Variants in PALS2 observed in about 807,000 individuals in gnomAD.
PALS2 encodes the protein protein PALS2.
A neutral mutation model predicts 61.6 loss-of-function variants in PALS2; 27 were observed. The observed-to-expected ratio is 0.44, with a 90% CI of 0.32 to 0.60. The LOEUF (loss-of-function observed/expected upper bound fraction) is 0.60, where lower values mean the gene tolerates loss of function less well. Among genes scored for constraint, PALS2 ranks in the 20% least tolerant of loss-of-function variants. The probability of loss-of-function intolerance (pLI) is 0.05; values close to 1 mark genes in which losing one functional copy is unlikely to be tolerated. For missense variants in PALS2, 554 were observed against 639.4 expected (o/e 0.87, Z 1.44); for synonymous variants, 236 against 218.6 (o/e 1.08, Z -0.70).
chr7:24,584,802 C>T (rs943251322), intron 1 of PALS2, among the ~76,000 whole-genome samples: 16 of 151,718 alleles, frequency 1.1e-4, no homozygotes, highest in African/African-American at 2.2e-4. Flanking sequence ...TTAGGTCTAA[C>T]GTTTAAGTCT....
At chr7:24,625,885 TA>T (rs752923826) in intron 2 of PALS2, among the ~76,000 whole-genome samples, 6 of 151,844 alleles carry the variant, frequency 4.0e-5, no homozygotes, top group Non-Finnish European at 7.4e-5. Context: ...ATCCCAGGAA[TA>T]GGGGAGGAAT....
At chr7:24,592,427 T>C (rs1366306471) in intron 1 of PALS2, among the ~76,000 whole-genome samples, 1 of 152,048 alleles carries the variant, frequency 6.6e-6, no homozygotes, top group Non-Finnish European at 1.5e-5. Context: ...ACTGGCCAGC[T>C]AACAGAGGAG....
At chr7:24,665,341 A>G (rs1255081637) in intron 6 of PALS2, among the ~76,000 whole-genome samples, 2 of 152,146 alleles carry the variant, frequency 1.3e-5, no homozygotes, top group Non-Finnish European at 2.9e-5. Flanking sequence ...AGTTTTAGCA[A>G]TTTAATTTGT....
At chr7:24,683,469 A>C (rs919036315) in intron 11 of PALS2, among the ~76,000 whole-genome samples, 1 of 151,348 alleles carries the variant, frequency 6.6e-6, no homozygotes, top group African/African-American at 2.4e-5. Context: ...TATTGATGCT[A>C]AGATTGTCCC....
At chr7:24,638,005 CACTT>C (rs1785323499) in intron 2 of PALS2, among the ~76,000 whole-genome samples, 1 of 152,044 alleles carries the variant, frequency 6.6e-6, no homozygotes, top group African/African-American at 2.4e-5. Context: ...GTATGTGGCT[CACTT>C]GCTCCTCTGG....
At chr7:24,607,514 T>TGTGTATATATGTGTGTGTATATATACAC (rs1491564851) in intron 1 of PALS2, among the ~76,000 whole-genome samples, 33 of 151,816 alleles carry the variant, frequency 2.2e-4, no homozygotes, top group Middle Eastern at 3.4e-3. Flanking sequence ...TGTATATATA[T>TGTGTATATATGTGTGTGTATATATACAC]GTGTATATAT....
intron 1 of PALS2, among the ~76,000 whole-genome samples, chr7:24,608,098 A>AT (rs1225898848): frequency 1.3e-5 from 2 of 152,002 alleles, no homozygotes; most frequent in African/African-American, 4.8e-5. Context: ...CCTGTAATGG[A>AT]TTTTTTTAAA....
rs114436981 is a variant in PALS2 at position 24,653,416 on chromosome 7, A to T, written c.651+2704A>T. Among the ~76,000 whole-genome samples, 792 of 152,118 alleles carry T rather than the reference A, an allele frequency of 5.2e-3. 7 individuals carry two copies. Among genetic ancestry groups the T allele is most frequent in the African/African-American group, 0.017 (724 of 41,512 alleles). On this transcript the variant is annotated intron_variant, in intron 5 of 11. Coordinates refer to ENST00000222644, the MANE Select transcript of PALS2 (RefSeq NM_001303037.2). ...TACAAAAAAAAAAAATAGAACAAACATTATTCTGAATTAACTAATGTTAGA... is the reference window on the plus strand; with the variant it reads ...TACAAAAAAAAAAAATAGAACAAACTTTATTCTGAATTAACTAATGTTAGA...
At chr7:24,635,697 A>G (rs998901176) in intron 2 of PALS2, among the ~76,000 whole-genome samples, 1 of 152,134 alleles carries the variant, frequency 6.6e-6, no homozygotes, top group African/African-American at 2.4e-5. Context: ...GCTATCCTAT[A>G]CCTTGATTTT....
At chr7:24,656,088 C>T (rs1227742186) in intron 5 of PALS2, among the ~76,000 whole-genome samples, 1 of 152,188 alleles carries the variant, frequency 6.6e-6, no homozygotes. Flanking sequence ...AATCTCTTAG[C>T]AATGATAATC....
At chr7:24,625,350 A>G (rs1450654883) in intron 2 of PALS2, among the ~76,000 whole-genome samples, 1 of 152,248 alleles carries the variant, frequency 6.6e-6, no homozygotes, top group East Asian at 1.9e-4. Context: ...AAAACTATAT[A>G]ATGCACTAAC....
intron 2 of PALS2, among the ~76,000 whole-genome samples, chr7:24,626,716 G>C (rs1029126496): frequency 1.3e-5 from 2 of 152,086 alleles, no homozygotes; most frequent in African/African-American, 4.8e-5. Flanking sequence ...AAAAAAAAGG[G>C]ATTGCGATCC....
chr7:24,658,599 C>T (rs1786546133), intron 5 of PALS2, among the ~76,000 whole-genome samples: 1 of 150,328 alleles, frequency 6.7e-6, no homozygotes, highest in Non-Finnish European at 1.5e-5. Context: ...GCTCTGTTGC[C>T]AGGCTGGAGT....
At chr7:24,587,824 C>A (rs1414092900) in intron 1 of PALS2, among the ~76,000 whole-genome samples, 1 of 152,166 alleles carries the variant, frequency 6.6e-6, no homozygotes, top group Non-Finnish European at 1.5e-5. Context: ...ACCATACTGT[C>A]TCTAGAAAGC....
At chr7:24,669,994 T>G (rs1250355444) in intron 9 of PALS2, among the ~76,000 whole-genome samples, 3 of 152,184 alleles carry the variant, frequency 2.0e-5, no homozygotes, top group Non-Finnish European at 4.4e-5. Context: ...AATAACCCCT[T>G]CTCTTCCCCT....
At chr7:24,663,127 C>T (rs541904841) in intron 5 of PALS2, among the ~76,000 whole-genome samples, 19 of 152,288 alleles carry the variant, frequency 1.2e-4, no homozygotes, top group African/African-American at 4.1e-4. Context: ...TATTTCATAT[C>T]TGACTTCAAC....
intron 1 of PALS2, among the ~76,000 whole-genome samples, chr7:24,607,202 T>G (rs1369815642): frequency 6.6e-6 from 1 of 152,200 alleles, no homozygotes; most frequent in Non-Finnish European, 1.5e-5. Flanking sequence ...AATGAGATTA[T>G]AATTCAGAAT....
chr7:24,594,931 A>G lies in PALS2; in HGVS notation c.-3+21338A>G, dbSNP rs1783441865. 2.0e-5 allele frequency among the ~76,000 whole-genome samples: 3 copies of G among 152,166 alleles called. No individual in the cohort carries two copies. The South Asian group carries it at 6.2e-4, about 32-fold the overall frequency. On this transcript the variant is annotated intron_variant, in intron 1 of 11. Transcript: ENST00000222644. ...TGACACAAAGACATGAAGTGAGCAT[A>G]TGCTGTTGGAAAAATGGCTTCAATA...
At chr7:24,684,609 A>C (rs1381300218) in intron 11 of PALS2, among the ~76,000 whole-genome samples, 1 of 152,236 alleles carries the variant, frequency 6.6e-6, no homozygotes, top group Non-Finnish European at 1.5e-5. Context: ...AAGGGTGTAC[A>C]TTAAACTTAG....
Sources: allele counts gnomAD v4.1 joint callset (sites outside exome capture counted in the v4.1 genomes callset), GRCh38; gene constraint gnomAD v4.1.1; transcripts MANE v1.5; gene names NCBI Gene and HGNC (gene_info 2026-07-23, HGNC 2026-07-21).